Variants in PCDHGB2 observed in about 807,000 individuals in gnomAD.
The protein encoded by PCDHGB2 is protocadherin gamma subfamily B, 2, also known as protocadherin gamma-B2.
Under a neutral mutation model 59.3 loss-of-function variants are expected in PCDHGB2, and 55 were observed. That is an observed-to-expected ratio of 0.93 (90% confidence interval 0.75 to 1.16). PCDHGB2 has a LOEUF of 1.16. PCDHGB2 is among the 50% of genes most tolerant of loss of function. The pLI, the probability that PCDHGB2 is intolerant of heterozygous loss-of-function variation, is 0.00. For synonymous variants in PCDHGB2, 516 were observed against 512.0 expected (o/e 1.01, Z -0.11); for missense variants, 1,228 against 1,198.5 (o/e 1.02, Z -0.36).
Position 141,510,363 on chromosome 5 carries a change from G to A in PCDHGB2, c.2570-584G>A, listed in dbSNP as rs973832487. Among the ~76,000 whole-genome samples the A allele has an allele frequency of 7.8e-5, 11 of 141,564 alleles. No individual in the cohort carries two copies. In the East Asian group the frequency reaches 1.6e-3, roughly 21 times the overall value. 92.9% of individuals were successfully genotyped at this position (141,564 alleles called of 152,430 possible). The stretch of plus-strand genomic sequence containing the variant: ...CCACACACTTACTAACGGAACTACC[G>A]AATCTCTACTCGTGCCAGGCCTTGC... On this transcript the variant is annotated intron_variant, in intron 3 of 3. Coordinates refer to ENST00000522605, the MANE Select transcript of PCDHGB2 (RefSeq NM_018923.3).
At chr5:141,394,493 C>G in intron 1 of PCDHGB2, 1 of 1,614,222 alleles carries the variant, frequency 6.2e-7, no homozygotes, top group Non-Finnish European at 8.5e-7. Flanking sequence ...ACAACGCGCC[C>G]GAGATCCTGT....
At position 141,489,585 on chromosome 5, in the gene PCDHGB2, G is replaced by A; in HGVS notation, c.2422-5222G>A. 3 of 1,614,090 alleles carry A rather than the reference G, an allele frequency of 1.9e-6. No individual in the cohort carries two copies. Among genetic ancestry groups the A allele is most frequent in the Non-Finnish European group, 2.5e-6 (3 of 1,180,004 alleles). The stretch of plus-strand genomic sequence containing the variant: ...AGGTGGTGACTGAACACCCCCTGGA[G>A]CTAATCCGTGTAGAGGTAGAGATCC... On this transcript the variant is annotated intron_variant, in intron 1 of 3. Coordinates refer to ENST00000522605, the MANE Select transcript of PCDHGB2 (RefSeq NM_018923.3). The surrounding 1 kb of genome is among the most constrained non-coding windows in gnomAD (Gnocchi z 4.5).
At chr5:141,371,589 A>G in intron 1 of PCDHGB2, 1 of 1,613,602 alleles carries the variant, frequency 6.2e-7, no homozygotes, top group Non-Finnish European at 8.5e-7. Flanking sequence ...TCAAGATACC[A>G]AAAACACATA....
At chr5:141,382,872 G>T in intron 1 of PCDHGB2, 1 of 1,522,356 alleles carries the variant, frequency 6.6e-7, no homozygotes, top group Non-Finnish European at 8.8e-7. Flanking sequence ...CCCGAGATCG[G>T]CGCCTAAGCA....
intron 1 of PCDHGB2, chr5:141,412,395 T>G (rs941350125): frequency 1.3e-5 from 2 of 152,246 alleles, no homozygotes; most frequent in African/African-American, 4.8e-5. Flanking sequence ...ATTTAACTTG[T>G]ATCCCTGTAA....
At chr5:141,468,077 C>T (rs180732917) in intron 1 of PCDHGB2, among the ~76,000 whole-genome samples, 1 of 152,152 alleles carries the variant, frequency 6.6e-6, no homozygotes, top group East Asian at 1.9e-4. Flanking sequence ...GTAATCCCAG[C>T]ACTTTGGGAG....
chr5:141,428,098 A>C (rs1387848300), intron 1 of PCDHGB2: 1 of 1,608,664 alleles, frequency 6.2e-7, no homozygotes, highest in South Asian at 1.1e-5. Context: ...CTGTCCTACC[A>C]CGTGCTGCAG....
intron 1 of PCDHGB2, chr5:141,389,309 T>A (rs763262842): frequency 1.4e-5 from 23 of 1,613,900 alleles, no homozygotes; most frequent in Non-Finnish European, 1.9e-5. Flanking sequence ...TCAGGGCTTC[T>A]GATCCGGACT....
chr5:141,486,909 C>A lies in PCDHGB2; in HGVS notation c.2422-7898C>A, dbSNP rs759702188. On this transcript the variant is annotated intron_variant, in intron 1 of 3. Coordinates refer to ENST00000522605, the MANE Select transcript of PCDHGB2 (RefSeq NM_018923.3). The surrounding 1 kb of genome is among the most constrained non-coding windows in gnomAD (Gnocchi z 5.0). ...CGGCCTGGTTCCTTATGTCCCCAAGCACTGCCTCCATCAGTTGGTGCTGGC... is the reference window on the plus strand; with the variant it reads ...CGGCCTGGTTCCTTATGTCCCCAAGAACTGCCTCCATCAGTTGGTGCTGGC... 3.1e-6 allele frequency: 5 copies of A among 1,614,262 alleles called. No individual in the cohort carries two copies. The East Asian group carries it at 1.1e-4, about 36-fold the overall frequency.
At chr5:141,389,424 G>C (rs746873845) in intron 1 of PCDHGB2, 1 of 1,613,390 alleles carries the variant, frequency 6.2e-7, no homozygotes, top group African/African-American at 1.3e-5. Flanking sequence ...GGTGGTGTTC[G>C]CGCAGCGCGC....
chr5:141,418,150 A>C (rs1377300460), intron 1 of PCDHGB2: 2 of 1,614,112 alleles, frequency 1.2e-6, no homozygotes, highest in Non-Finnish European at 8.5e-7. Context: ...AAATATGCAA[A>C]GAGAGAAGAA....
intron 1 of PCDHGB2, chr5:141,375,799 C>T: frequency 6.2e-7 from 1 of 1,614,232 alleles, no homozygotes; most frequent in Non-Finnish European, 8.5e-7. Flanking sequence ...CAGACGGTTC[C>T]ACTGGCGTGG....
At chr5:141,496,146 G>A (rs749790409) in intron 2 of PCDHGB2, among the ~76,000 whole-genome samples, 1 of 151,170 alleles carries the variant, frequency 6.6e-6, no homozygotes, top group Non-Finnish European at 1.5e-5. Flanking sequence ...GCCTTTGATC[G>A]CAGCTCTCCA....
At chr5:141,475,910 G>A in intron 1 of PCDHGB2, 1 of 588,414 alleles carries the variant, frequency 1.7e-6, no homozygotes, top group South Asian at 2.3e-5. Context: ...GTCGGCCAAT[G>A]AAGACGCTGG....
chr5:141,415,873 G>A lies in PCDHGB2; in HGVS notation c.2421+53317G>A, dbSNP rs905638480. The A allele has an allele frequency of 9.6e-6, 10 of 1,046,220 alleles. No homozygotes were observed. In the East Asian group the frequency reaches 1.8e-4, roughly 19 times the overall value. The allele number at this position is 1,046,220 out of a possible 1,614,324, so 64.8% of individuals were successfully genotyped here. A position where few individuals can be genotyped will look rare whatever the true frequency, so the allele number is the denominator to read the frequency against. On this transcript the variant is annotated intron_variant, in intron 1 of 3. Transcript: ENST00000522605. ...ACCTTGTAGTTTATAGTGTTGTTGA[G>A]TACAATATTGACAATTCCTAAGACA...
At chr5:141,420,501 A>T in intron 1 of PCDHGB2, 1 of 469,392 alleles carries the variant, frequency 2.1e-6, no homozygotes, top group East Asian at 4.1e-5. Context: ...CTCCGGTGAC[A>T]TTTTTATGAA....
At chr5:141,404,672 G>T in intron 1 of PCDHGB2, 1 of 1,614,156 alleles carries the variant, frequency 6.2e-7, no homozygotes, top group Non-Finnish European at 8.5e-7. Flanking sequence ...TGGTTCTACT[G>T]GTGTGGAGCT....
At chr5:141,370,837 C>G (rs1212771531) in intron 1 of PCDHGB2, 1 of 1,614,004 alleles carries the variant, frequency 6.2e-7, no homozygotes, top group Non-Finnish European at 8.5e-7. Context: ...CTGGCTCTCA[C>G]TGGAGCCACA....
chr5:141,374,534 C>G lies in PCDHGB2; in HGVS notation c.2421+11978C>G, dbSNP rs868822562. The G allele has an allele frequency of 3.7e-6, 6 of 1,613,096 alleles. No homozygotes were observed. Among genetic ancestry groups the G allele is most frequent in the Admixed American group, 3.3e-5 (2 of 60,024 alleles). On this transcript the variant is annotated intron_variant, in intron 1 of 3. Transcript: ENST00000522605. ...TCTCGAAAACGCAGCTCCATCCTCT[C>G]GTTTTCCACTAATGGAGGTCTATGA...
Sources: allele counts gnomAD v4.1 joint callset (sites outside exome capture counted in the v4.1 genomes callset), GRCh38; gene constraint gnomAD v4.1.1; non-coding constraint Gnocchi (gnomAD v3.1); transcripts MANE v1.5; gene names NCBI Gene and HGNC (gene_info 2026-07-23, HGNC 2026-07-21).